The following LIPC variants were observed in gnomAD, a reference collection of about 807,000 sequenced individuals.
LIPC encodes the protein lipase C, hepatic type.
A neutral mutation model predicts 50.7 loss-of-function variants in LIPC; 44 were observed. That is an observed-to-expected ratio of 0.87 (90% CI 0.68 to 1.11). The LOEUF is 1.11. LIPC is among the 50% of genes most tolerant of loss of function. The pLI, the probability that LIPC is intolerant of heterozygous loss-of-function variation, is 0.00. For synonymous variants in LIPC, 271 were observed against 256.4 expected, an observed-to-expected ratio of 1.06 and a Z score of -0.54; for missense variants, 697 against 648.2, an observed-to-expected ratio of 1.08 and a Z score of -0.82.
intron 1 of LIPC, among the ~76,000 whole-genome samples, chr15:58,496,945 A>G (rs756802862): frequency 6.6e-6 from 1 of 152,048 alleles, no homozygotes; most frequent in Non-Finnish European, 1.5e-5. Context: ...TCAGCCTCCC[A>G]AAGTGCTGGG....
At chr15:58,564,101 T>A in intron 8 of LIPC, 1 of 300,048 alleles carries the variant, frequency 3.3e-6, no homozygotes, top group Non-Finnish European at 6.6e-6. Flanking sequence ...TTTTTTATTG[T>A]TTGCCCAAAG....
At chr15:58,489,672 C>A (rs1891516032) in intron 1 of LIPC, among the ~76,000 whole-genome samples, 1 of 152,148 alleles carries the variant, frequency 6.6e-6, no homozygotes, top group Admixed American at 6.5e-5. Flanking sequence ...AGGCAAGTCA[C>A]AAATCTTGTG....
At chr15:58,521,684 G>C (rs1288320073) in intron 1 of LIPC, 1 of 152,574 alleles carries the variant, frequency 6.6e-6, no homozygotes, top group Non-Finnish European at 1.5e-5. Flanking sequence ...AAAGAGGAAG[G>C]GGGAGTGGAA....
chr15:58,443,644 C>T (rs1241151342), intron 1 of LIPC, among the ~76,000 whole-genome samples: 2 of 152,204 alleles, frequency 1.3e-5, no homozygotes, highest in African/African-American at 4.8e-5. Context: ...ATCAAGACAA[C>T]ACCTGAGAAA....
chr15:58,502,279 C>A (rs568918806), intron 1 of LIPC, among the ~76,000 whole-genome samples: 2 of 152,246 alleles, frequency 1.3e-5, no homozygotes, highest in South Asian at 4.1e-4. Context: ...TTTGGCTCTG[C>A]TCTGGAAACA....
intron 1 of LIPC, among the ~76,000 whole-genome samples, chr15:58,457,820 C>T (rs530829612): frequency 1.3e-5 from 2 of 152,272 alleles, no homozygotes; most frequent in African/African-American, 4.8e-5. Flanking sequence ...AACACTTGTC[C>T]ACCTCCGTGA....
chr15:58,546,859 T>A (rs766257297), intron 5 of LIPC, among the ~76,000 whole-genome samples: 3 of 152,136 alleles, frequency 2.0e-5, no homozygotes, highest in Admixed American at 1.3e-4. Flanking sequence ...TCATCTCATT[T>A]TGGCTGGACT....
Position 58,558,198 on chromosome 15 carries a change from G to A in LIPC, c.1052-2666G>A, listed in dbSNP as rs549814929. ...AGCAATTCTCCTACCTCAGCCTCCCGAGTAGCTGGGACTACAGGCGCCCAC... is the reference window on the plus strand; with the variant it reads ...AGCAATTCTCCTACCTCAGCCTCCCAAGTAGCTGGGACTACAGGCGCCCAC... On this transcript the variant is annotated intron_variant, in intron 6 of 8. Transcript: ENST00000299022. 6.6e-5 allele frequency among the ~76,000 whole-genome samples: 10 copies of A among 151,676 alleles called. No homozygotes were observed. In the East Asian group the frequency reaches 1.4e-3, roughly 21 times the overall value.
intron 8 of LIPC, chr15:58,565,683 C>A: frequency 2.0e-6 from 2 of 1,007,290 alleles, no homozygotes; most frequent in Non-Finnish European, 2.4e-6. Context: ...TGGGGGTGTG[C>A]TGTTTCCAAC....
At chr15:58,440,329 C>T (rs566133842) in intron 1 of LIPC, among the ~76,000 whole-genome samples, 2 of 152,282 alleles carry the variant, frequency 1.3e-5, no homozygotes, top group East Asian at 1.9e-4. Context: ...ATGGGTTATC[C>T]GTTGACTAGG....
rs769425583 is a variant in LIPC, at chr15:58,541,943, C to G, written c.432C>G (p.Val144=). The change falls in exon 3 of 9, where the codon GTC becomes GTG. Residue 144 remains valine, a synonymous_variant. Transcript: ENST00000299022. ...VRNTRLVGKE[V]AALLRWLEES... ...ACACCCGCCTTGTGGGCAAGGAGGT[C>G]GCGGCTCTTCTCCGGTGGCTGGAGG... 4.3e-6 allele frequency: 7 copies of G among 1,610,714 alleles called. No homozygotes were observed. Among genetic ancestry groups the G allele is most frequent in the Admixed American group, 1.7e-5 (1 of 59,938 alleles).
At chr15:58,555,347 A>AG (rs1263120407) in intron 6 of LIPC, among the ~76,000 whole-genome samples, 1 of 152,124 alleles carries the variant, frequency 6.6e-6, no homozygotes, top group Non-Finnish European at 1.5e-5. Flanking sequence ...ATGGATGTCA[A>AG]GGGGTCAGAG....
At chr15:58,466,573 C>T (rs1424292884) in intron 1 of LIPC, among the ~76,000 whole-genome samples, 1 of 152,220 alleles carries the variant, frequency 6.6e-6, no homozygotes, top group African/African-American at 2.4e-5. Flanking sequence ...AAACTAGCAT[C>T]ACAGGTAAGA....
At chr15:58,462,567 G>A (rs1437757743) in intron 1 of LIPC, among the ~76,000 whole-genome samples, 1 of 152,114 alleles carries the variant, frequency 6.6e-6, no homozygotes, top group Non-Finnish European at 1.5e-5. Flanking sequence ...CCAGACCAAA[G>A]CCAAAGAAAT....
In LIPC at chr15:58,456,514, C is replaced by T. The variant is rs1307320072; in HGVS notation, c.88+24394C>T. On this transcript the variant is annotated intron_variant, in intron 1 of 8. Coordinates refer to ENST00000299022, the MANE Select transcript of LIPC (RefSeq NM_000236.3). ...CATAGCTAAGGACAGGGCACATCTC[C>T]CCTGATGCAGCCCAGAGGCCCCTGG... 3.3e-5 allele frequency among the ~76,000 whole-genome samples: 5 copies of T among 152,244 alleles called. No individual in the cohort carries two copies. The East Asian group carries it at 9.6e-4, about 29-fold the overall frequency.
intron 1 of LIPC, chr15:58,533,073 A>G: frequency 1.3e-6 from 1 of 742,148 alleles, no homozygotes; most frequent in Non-Finnish European, 1.6e-6. Flanking sequence ...GATGGATTTG[A>G]TCACTTACCT....
intron 1 of LIPC, among the ~76,000 whole-genome samples, chr15:58,502,600 C>A (rs1892023836): frequency 6.6e-6 from 1 of 151,230 alleles, no homozygotes. Flanking sequence ...GTGGTTAACT[C>A]CAAGTCACCT....
At chr15:58,472,293 A>AG (rs1890839134) in intron 1 of LIPC, among the ~76,000 whole-genome samples, 1 of 140,510 alleles carries the variant, frequency 7.1e-6, no homozygotes, top group African/African-American at 2.7e-5. Flanking sequence ...AAAAAAAAAA[A>AG]GAAATCTTAG....
At chr15:58,510,193 T>C (rs370482541) in intron 1 of LIPC, among the ~76,000 whole-genome samples, 4 of 152,354 alleles carry the variant, frequency 2.6e-5, no homozygotes, top group East Asian at 3.9e-4. Context: ...GGGAAACAGA[T>C]ACTTTATGTC....
Sources: gnomAD v4.1 joint callset for allele counts (sites outside exome capture counted in the v4.1 genomes callset) on GRCh38, gnomAD v4.1.1 for gene constraint, MANE v1.5 for transcripts, NCBI Gene and HGNC (gene_info 2026-07-23, HGNC 2026-07-21) for gene names.